TBC1D23: variants seen among roughly 807,000 people sequenced by gnomAD.
TBC1D23 encodes TBC1 domain family member 23.
TBC1D23 carries 55 observed loss-of-function variants against 91.4 expected under a neutral mutation model. The ratio of observed to expected loss-of-function variants is 0.60; its 90% CI spans 0.48 to 0.75. The LOEUF (loss-of-function observed/expected upper bound fraction) is 0.75. Ranked by LOEUF, TBC1D23 falls within the 30% of genes least tolerant of loss-of-function variation. The pLI, the probability that TBC1D23 is intolerant of heterozygous loss-of-function variation, is 0.00. For synonymous variants in TBC1D23, 289 were observed against 281.0 expected, an observed-to-expected ratio of 1.03 and a Z score of -0.28; for missense variants, 725 against 836.1, an observed-to-expected ratio of 0.87 and a Z score of 1.64.
chr3:100,287,167 G>A (rs1316643969), intron 4 of TBC1D23, among the ~76,000 whole-genome samples: 2 of 151,112 alleles, frequency 1.3e-5, no homozygotes, highest in Non-Finnish European at 3.0e-5. Context: ...GACTAGAGTG[G>A]AGTTGCTTGA....
chr3:100,309,610 C>CTTTTTTTTTTTTTTTTTT (rs71132518), intron 13 of TBC1D23, among the ~76,000 whole-genome samples: 8 of 116,126 alleles, frequency 6.9e-5, no homozygotes, highest in African/African-American at 2.2e-4. Flanking sequence ...ATTCTACCTT[C>CTTTTTTTTTTTTTTTTTT]TTTTTTTTTT....
intron 4 of TBC1D23, among the ~76,000 whole-genome samples, chr3:100,286,942 G>A (rs1252120014): frequency 6.6e-6 from 1 of 151,460 alleles, no homozygotes; most frequent in Admixed American, 6.6e-5. Context: ...CAGCCCCCGA[G>A]TAGCTGGAAT....
At chr3:100,307,435 G>A (rs1705535155) in intron 13 of TBC1D23, among the ~76,000 whole-genome samples, 1 of 152,208 alleles carries the variant, frequency 6.6e-6, no homozygotes, top group South Asian at 2.1e-4. Context: ...TCCACCTGTG[G>A]AATATAAATG....
chr3:100,293,169 T>G (rs990915931), intron 5 of TBC1D23, among the ~76,000 whole-genome samples: 7 of 151,756 alleles, frequency 4.6e-5, no homozygotes, highest in African/African-American at 1.7e-4. Context: ...ACGGAGTCTC[T>G]TTCACCCAGA....
At chr3:100,314,413 A>T (rs1163113119) in intron 15 of TBC1D23, among the ~76,000 whole-genome samples, 7 of 152,016 alleles carry the variant, frequency 4.6e-5, no homozygotes, top group African/African-American at 1.7e-4. Flanking sequence ...CACAAAAAAA[A>T]TTTTTATTGA....
chr3:100,316,362 A>T (rs1705744849), intron 16 of TBC1D23, among the ~76,000 whole-genome samples, 175 bp downstream of exon 16: 1 of 152,130 alleles, frequency 6.6e-6, no homozygotes, highest in African/African-American at 2.4e-5. Flanking sequence ...GAATTGTTGT[A>T]CGTATTAGAA....
chr3:100,267,100 G>C, intron 1 of TBC1D23: 8 of 279,258 alleles, frequency 2.9e-5, no homozygotes, highest in South Asian at 2.5e-4. Context: ...TTATCTCTAG[G>C]AATACTGTGT....
At chr3:100,285,245 C>G (rs1331703697) in intron 4 of TBC1D23, among the ~76,000 whole-genome samples, 1 of 152,100 alleles carries the variant, frequency 6.6e-6, no homozygotes, top group Non-Finnish European at 1.5e-5. Context: ...ATTTTATCAC[C>G]CCAACAAGAA....
At chr3:100,306,672 T>C (rs920387276) in intron 13 of TBC1D23, 129 bp downstream of exon 13, 2 of 556,184 alleles carry the variant, frequency 3.6e-6, no homozygotes, top group Admixed American at 3.2e-5. Flanking sequence ...AGAGTCATAT[T>C]ATTGTGAGAT....
intron 15 of TBC1D23, among the ~76,000 whole-genome samples, chr3:100,312,827 T>G (rs182973471): frequency 6.6e-6 from 1 of 152,218 alleles, no homozygotes; most frequent in East Asian, 1.9e-4. Flanking sequence ...TGACTTGAAG[T>G]AGCATTTTTA....
intron 17 of TBC1D23, among the ~76,000 whole-genome samples, chr3:100,319,504 C>T (rs552671774): frequency 1.3e-4 from 20 of 152,228 alleles, no homozygotes; most frequent in Middle Eastern, 3.4e-3. Context: ...TCTCTGCTCA[C>T]AGCAACCTCT....
chr3:100,314,091 AT>A lies in TBC1D23; in HGVS notation c.1599-1983del, dbSNP rs71299383. On this transcript the variant is annotated intron_variant, in intron 15 of 18. Transcript: ENST00000394144. ...TAAATCAACAAAATTAGGCTACAAA[AT>A]TTTTTTTTTTTTTTTTTTTTTTTTG... Among the ~76,000 whole-genome samples, 442 of 94,576 alleles carry A rather than the reference AT, an allele frequency of 4.7e-3. 1 individual carries two copies. Among genetic ancestry groups the A allele is most frequent in the African/African-American group, 0.011 (283 of 25,820 alleles). 62.0% of individuals were successfully genotyped at this position (94,576 alleles called of 152,430 possible).
At chr3:100,308,502 A>G (rs1169343491) in intron 13 of TBC1D23, among the ~76,000 whole-genome samples, 1 of 152,190 alleles carries the variant, frequency 6.6e-6, no homozygotes, top group African/African-American at 2.4e-5. Flanking sequence ...TTTGAAAGTA[A>G]CAGATGTTCA....
intron 4 of TBC1D23, 54 bp from the exon 5 acceptor site, chr3:100,290,524 G>A: frequency 6.4e-7 from 1 of 1,555,718 alleles, no homozygotes; most frequent in Non-Finnish European, 8.8e-7. Flanking sequence ...GGTTACTGAT[G>A]TGATTATTTC....
intron 11 of TBC1D23, among the ~76,000 whole-genome samples, chr3:100,304,200 G>A (rs1283509462): frequency 6.6e-6 from 1 of 152,084 alleles, no homozygotes; most frequent in Non-Finnish European, 1.5e-5. Flanking sequence ...TCTGGATTTT[G>A]CTGATTACAT....
At chr3:100,271,712 G>C (rs2067601107) in intron 1 of TBC1D23, among the ~76,000 whole-genome samples, 3 of 152,208 alleles carry the variant, frequency 2.0e-5, no homozygotes, top group Non-Finnish European at 1.5e-5. Context: ...TGGGTAAGGA[G>C]TCTGAAGTAA....
intron 15 of TBC1D23, among the ~76,000 whole-genome samples, chr3:100,314,385 G>A (rs1233329032): frequency 1.3e-5 from 2 of 151,980 alleles, no homozygotes; most frequent in African/African-American, 4.8e-5. Context: ...GATTACAAGC[G>A]TGAGCCACTG....
chr3:100,323,710 A>G lies in TBC1D23; in HGVS notation c.*42A>G. 9.2e-7 allele frequency: 1 copy of G among 1,088,414 alleles called. No individual in the cohort carries two copies. Among genetic ancestry groups the G allele is most frequent in the Non-Finnish European group, 1.3e-6 (1 of 792,358 alleles). The allele number at this position is 1,088,414 out of a possible 1,614,324, so 67.4% of individuals were successfully genotyped here. On this transcript the variant is annotated 3_prime_UTR_variant, in exon 19 of 19. Transcript: ENST00000394144. ...ATAAAAAGAAATTAAGACAACCAAG[A>G]GAAACATGGACATATACCTCCTGAC...
At chr3:100,321,082 A>G (rs1705850635) in intron 18 of TBC1D23, 111 bp downstream of exon 18, 2 of 762,934 alleles carry the variant, frequency 2.6e-6, no homozygotes, top group Non-Finnish European at 4.1e-6. Context: ...GTGGAATAGG[A>G]TAGCTGAACC....
Sources: gnomAD v4.1 joint callset for allele counts (sites outside exome capture counted in the v4.1 genomes callset) on GRCh38, gnomAD v4.1.1 for gene constraint, MANE v1.5 for transcripts, NCBI Gene and HGNC (gene_info 2026-07-23, HGNC 2026-07-21) for gene names.